Variants in SYT1 observed in about 807,000 individuals in gnomAD.
The protein encoded by SYT1 is synaptotagmin 1, also known as synaptotagmin-1.
A neutral mutation model predicts 44.8 loss-of-function variants in SYT1; 8 were observed. The ratio of observed to expected loss-of-function variants is 0.18; its 90% CI spans 0.10 to 0.32. The LOEUF is 0.32. Ranked by LOEUF, SYT1 falls within the 10% of genes least tolerant of loss-of-function variation. The pLI is 1.00. For synonymous variants in SYT1, 154 were observed against 188.8 expected, an observed-to-expected ratio of 0.82 and a Z score of 1.51; for missense variants, 286 against 509.3, an observed-to-expected ratio of 0.56 and a Z score of 4.22.
At chr12:79,074,329 G>A (rs994038637) in intron 3 of SYT1, among the ~76,000 whole-genome samples, 2 of 152,062 alleles carry the variant, frequency 1.3e-5, no homozygotes, top group African/African-American at 4.8e-5. Flanking sequence ...TGTGTATTCA[G>A]TACTGCCCTG....
chr12:79,308,475 A>T (rs184866200), intron 8 of SYT1, among the ~76,000 whole-genome samples: 150 of 151,994 alleles, frequency 9.9e-4, no homozygotes, highest in South Asian at 4.0e-3. Flanking sequence ...ATGCCATTGC[A>T]CTGCAGCCTA....
At chr12:78,890,092 T>TGGATTTGAATATGAA (rs1565703905) in intron 1 of SYT1, among the ~76,000 whole-genome samples, 1 of 151,966 alleles carries the variant, frequency 6.6e-6, no homozygotes, top group Non-Finnish European at 1.5e-5. Context: ...CATTTGAATA[T>TGGATTTGAATATGAA]TCCACTGTCA....
chr12:79,100,668 T>TA (rs1385203497), intron 3 of SYT1, among the ~76,000 whole-genome samples: 3 of 152,188 alleles, frequency 2.0e-5, no homozygotes, highest in Non-Finnish European at 4.4e-5. Flanking sequence ...AATAAGAGAA[T>TA]GAATGATCAT....
intron 3 of SYT1, among the ~76,000 whole-genome samples, chr12:79,158,355 C>G (rs1369621543): frequency 6.6e-6 from 1 of 152,042 alleles, no homozygotes; most frequent in Non-Finnish European, 1.5e-5. Context: ...CTGGAAGTAT[C>G]TAATGTCACT....
chr12:78,906,483 T>G (rs532143174), intron 1 of SYT1, among the ~76,000 whole-genome samples: 32 of 152,180 alleles, frequency 2.1e-4, no homozygotes, highest in African/African-American at 7.0e-4. Context: ...TACTAAGTTG[T>G]AAAATATTTA....
intron 4 of SYT1, among the ~76,000 whole-genome samples, chr12:79,261,061 T>G (rs1348124711): frequency 6.6e-6 from 1 of 152,176 alleles, no homozygotes; most frequent in Non-Finnish European, 1.5e-5. Flanking sequence ...CCACTGTCAT[T>G]GTTCTTGGGG....
chr12:78,876,866 A>ATGTGTATTACATATAAT (rs1565697808), intron 1 of SYT1, among the ~76,000 whole-genome samples: 1 of 12,898 alleles, frequency 7.8e-5, no homozygotes, highest in African/African-American at 2.0e-4. Context: ...TAATATATAT[A>ATGTGTATTACATATAAT]ATATATTATA....
intron 2 of SYT1, among the ~76,000 whole-genome samples, chr12:79,046,832 G>A (rs1430760708): frequency 6.6e-6 from 1 of 151,826 alleles, no homozygotes; most frequent in East Asian, 1.9e-4. Flanking sequence ...AACATATTGA[G>A]GTGTTTCTAA....
At chr12:78,893,024 C>G (rs554512944) in intron 1 of SYT1, among the ~76,000 whole-genome samples, 2 of 151,808 alleles carry the variant, frequency 1.3e-5, no homozygotes, top group African/African-American at 4.8e-5. Flanking sequence ...TACTGCTGGC[C>G]TTTGCCATCA....
intron 1 of SYT1, among the ~76,000 whole-genome samples, chr12:78,952,731 AT>A (rs1879029388): frequency 6.6e-6 from 1 of 152,102 alleles, no homozygotes. Context: ...CACTATGTAA[AT>A]TCTGGTCTTC....
At chr12:78,903,048 G>A (rs1875750434) in intron 1 of SYT1, among the ~76,000 whole-genome samples, 1 of 152,024 alleles carries the variant, frequency 6.6e-6, no homozygotes, top group African/African-American at 2.4e-5. Context: ...CAATTTTACA[G>A]AATCAATTCT....
At chr12:79,066,531 A>G (rs1953578372) in intron 3 of SYT1, among the ~76,000 whole-genome samples, 1 of 152,066 alleles carries the variant, frequency 6.6e-6, no homozygotes, top group Non-Finnish European at 1.5e-5. Context: ...CCATATCATC[A>G]TCTGGGGAGA....
rs147576535 is a variant in SYT1 at position 79,202,764 on chromosome 12, T to G, written c.-17-14739T>G. 2.9e-3 allele frequency among the ~76,000 whole-genome samples: 446 copies of G among 152,312 alleles called. 3 individuals are homozygous for G. The highest frequency in any genetic ancestry group is 0.01 in the African/African-American group (420 of 41,572). On this transcript the variant is annotated intron_variant, in intron 3 of 10. Transcript: ENST00000261205. The stretch of plus-strand genomic sequence containing the variant: ...CACACTAAAAGGTAGAACATTCAAT[T>G]GGAATGCAATATATAAAACTGAACC...
chr12:78,876,802 T>A (rs1339008507), intron 1 of SYT1, among the ~76,000 whole-genome samples: 1 of 64,390 alleles, frequency 1.6e-5, no homozygotes. Context: ...TATAATATAT[T>A]ATATGTAATA....
At chr12:79,347,176 CAG>C (rs989042603) in intron 8 of SYT1, among the ~76,000 whole-genome samples, 1 of 151,666 alleles carries the variant, frequency 6.6e-6, no homozygotes, top group Non-Finnish European at 1.5e-5. Context: ...ATATAGCTCA[CAG>C]AGAAATAGTG....
chr12:79,448,974 C>T lies in SYT1; in HGVS notation c.1119C>T (p.Ala373=), dbSNP rs1182568202. The change falls in exon 11 of 11, where the codon GCC becomes GCT. Residue 373 remains alanine, a synonymous_variant. Transcript: ENST00000261205. ...LDYDKIGKND[A]IGKVFVGYNS... is the part of the protein sequence containing the mutation. ...ATGACAAGATTGGCAAGAACGATGC[C>T]ATCGGCAAAGTCTTTGTGGGCTACA... is the stretch of plus-strand genomic sequence containing the variant. The T allele has an allele frequency of 1.9e-6, 3 of 1,614,088 alleles. No homozygotes were observed. The highest frequency in any genetic ancestry group is 2.2e-5 in the East Asian group (1 of 44,890).
At chr12:79,280,143 A>C (rs1878969475) in intron 4 of SYT1, among the ~76,000 whole-genome samples, 2 of 152,086 alleles carry the variant, frequency 1.3e-5, no homozygotes, top group Middle Eastern at 6.8e-3. Flanking sequence ...AAAAAAAAAC[A>C]CTAAAATTCA....
At chr12:79,117,357 C>T (rs1879331152) in intron 3 of SYT1, among the ~76,000 whole-genome samples, 1 of 151,960 alleles carries the variant, frequency 6.6e-6, no homozygotes, top group South Asian at 2.1e-4. Flanking sequence ...TTAAATTCGC[C>T]AACTGCTGTT....
At chr12:79,143,961 G>A (rs1869721717) in intron 3 of SYT1, among the ~76,000 whole-genome samples, 2 of 152,136 alleles carry the variant, frequency 1.3e-5, no homozygotes, top group South Asian at 4.1e-4. Flanking sequence ...CTGCTGTGAT[G>A]TGGATTTGTG....
Sources: gnomAD v4.1 joint callset for allele counts (sites outside exome capture counted in the v4.1 genomes callset) on GRCh38, gnomAD v4.1.1 for gene constraint, MANE v1.5 for transcripts, NCBI Gene and HGNC (gene_info 2026-07-23, HGNC 2026-07-21) for gene names.